The following SLC25A13 variants were observed in gnomAD, a reference collection of about 807,000 sequenced individuals.
The protein encoded by SLC25A13 is electrogenic aspartate/glutamate antiporter SLC25A13, mitochondrial.
Under a neutral mutation model 85.5 loss-of-function variants are expected in SLC25A13, and 70 were observed. That is an observed-to-expected ratio of 0.82 (90% CI 0.68 to 1.00). The LOEUF is 1.00. Among genes scored for constraint, SLC25A13 ranks in the 50% least tolerant of loss-of-function variants. SLC25A13 has a pLI of 0.00. For missense variants in SLC25A13, 765 were observed against 819.8 expected, an observed-to-expected ratio of 0.93 and a Z score of 0.82; for synonymous variants, 259 against 288.7, an observed-to-expected ratio of 0.90 and a Z score of 1.04.
chr7:96,255,945 T>C (rs964559782), intron 3 of SLC25A13, among the ~76,000 whole-genome samples: 5 of 152,136 alleles, frequency 3.3e-5, no homozygotes, highest in African/African-American at 1.2e-4. Flanking sequence ...AAAATAATTT[T>C]CAACCCAGAA....
At chr7:96,174,788 C>G (rs1794150886) in intron 11 of SLC25A13, among the ~76,000 whole-genome samples, 2 of 152,220 alleles carry the variant, frequency 1.3e-5, no homozygotes, top group African/African-American at 4.8e-5. Flanking sequence ...TTTCAAACTA[C>G]TGAAATTTAT....
At chr7:96,313,841 A>G (rs1367309979) in intron 1 of SLC25A13, among the ~76,000 whole-genome samples, 3 of 152,242 alleles carry the variant, frequency 2.0e-5, no homozygotes, top group Non-Finnish European at 2.9e-5. Context: ...AAAAAGTGAA[A>G]GATTTCTAGA....
chr7:96,148,974 C>T (rs1201073792), intron 13 of SLC25A13, among the ~76,000 whole-genome samples: 9 of 152,220 alleles, frequency 5.9e-5, no homozygotes, highest in Admixed American at 1.3e-4. Context: ...TTTTCTCCTA[C>T]GCTGATGTTT....
chr7:96,238,426 A>G (rs955200592), intron 3 of SLC25A13, among the ~76,000 whole-genome samples: 1 of 151,674 alleles, frequency 6.6e-6, no homozygotes, highest in Admixed American at 6.6e-5. Flanking sequence ...AGTTTGCGGT[A>G]GAGTACTTTG....
At position 96,277,341 on chromosome 7, in the gene SLC25A13, G is replaced by GT. The variant is rs777215018; in HGVS notation, c.70-4dup. The GT allele has an allele frequency of 7.5e-6, 12 of 1,609,284 alleles. No individual in the cohort carries two copies. Among genetic ancestry groups the GT allele is most frequent in the African/African-American group, 6.7e-5 (5 of 74,652 alleles). ...CCGTTTTTCTCAATGCTTGCATACTGTTTAAAAAAAAGAAAAACAGTATTT... is the reference window on the plus strand; with the variant it reads ...CCGTTTTTCTCAATGCTTGCATACTGTTTTAAAAAAAAGAAAAACAGTATTT... On this transcript the variant is annotated splice_polypyrimidine_tract_variant and splice_region_variant and intron_variant, in intron 2 of 17. Transcript: ENST00000265631.
At chr7:96,307,870 G>A (rs533051592) in intron 1 of SLC25A13, among the ~76,000 whole-genome samples, 63 of 151,054 alleles carry the variant, frequency 4.2e-4, no homozygotes, top group Admixed American at 1.4e-3. Context: ...ACTCCACTGC[G>A]GCCGGGCGCA....
intron 2 of SLC25A13, among the ~76,000 whole-genome samples, chr7:96,285,026 C>G (rs1352903947): frequency 6.6e-6 from 1 of 152,048 alleles, no homozygotes; most frequent in African/African-American, 2.4e-5. Context: ...TACTGGCTCC[C>G]TCTCACTTTC....
rs1799374421 is a variant in SLC25A13 at position 96,296,953 on chromosome 7, T to A, written c.16-2A>T. 6.2e-7 allele frequency: 1 copy of A among 1,612,050 alleles called. No homozygotes were observed. Among genetic ancestry groups the A allele is most frequent in the East Asian group, 2.2e-5 (1 of 44,838 alleles). ...ATCTGCTCTCTTGGTTAAAGCCACC[T>A]ATAAATAAACATAAAAATGTTTATG... On this transcript the variant is annotated splice_acceptor_variant, in intron 1 of 17. Coordinates refer to ENST00000265631, the MANE Select transcript of SLC25A13 (RefSeq NM_014251.3). LOFTEE classifies it high-confidence loss of function.
chr7:96,224,633 A>G (rs551507783), intron 4 of SLC25A13, among the ~76,000 whole-genome samples: 2 of 152,360 alleles, frequency 1.3e-5, no homozygotes, highest in African/African-American at 4.8e-5. Context: ...AGATAGCTGG[A>G]ACCAAGGCAA....
chr7:96,288,015 C>T (rs1395907712), intron 2 of SLC25A13, among the ~76,000 whole-genome samples: 1 of 152,186 alleles, frequency 6.6e-6, no homozygotes, highest in South Asian at 2.1e-4. Context: ...TCATACAGAC[C>T]TCATTCCAAC....
At chr7:96,317,155 T>C (rs1800159812) in intron 1 of SLC25A13, among the ~76,000 whole-genome samples, 1 of 151,890 alleles carries the variant, frequency 6.6e-6, no homozygotes, top group South Asian at 2.1e-4. Flanking sequence ...CTATTTTTAG[T>C]AGAGATGGGC....
At chr7:96,206,181 C>T (rs1255526436) in intron 5 of SLC25A13, among the ~76,000 whole-genome samples, 8 of 152,204 alleles carry the variant, frequency 5.3e-5, no homozygotes, top group African/African-American at 1.7e-4. Context: ...TGACAGGTAG[C>T]AGCATGCACA....
At chr7:96,240,233 G>C (rs1796918034) in intron 3 of SLC25A13, among the ~76,000 whole-genome samples, 1 of 152,164 alleles carries the variant, frequency 6.6e-6, no homozygotes, top group Admixed American at 6.5e-5. Flanking sequence ...ATTCAGAGGA[G>C]GGAAAGATTA....
At chr7:96,159,942 T>C (rs779168415) in intron 13 of SLC25A13, among the ~76,000 whole-genome samples, 2 of 152,286 alleles carry the variant, frequency 1.3e-5, no homozygotes, top group African/African-American at 4.8e-5. Context: ...AATGGGCCCA[T>C]AGAAGCCTGG....
chr7:96,242,917 G>A (rs906498320), intron 3 of SLC25A13, among the ~76,000 whole-genome samples: 2 of 152,164 alleles, frequency 1.3e-5, no homozygotes, highest in African/African-American at 4.8e-5. Context: ...CACAGGCCAT[G>A]GTCACTCATA....
At chr7:96,298,875 G>A (rs1219888437) in intron 1 of SLC25A13, among the ~76,000 whole-genome samples, 1 of 151,006 alleles carries the variant, frequency 6.6e-6, no homozygotes, top group Non-Finnish European at 1.5e-5. Context: ...CCTCCTCTCA[G>A]GTCTCTATTC....
intron 6 of SLC25A13, 123 bp from the exon 7 acceptor site, chr7:96,191,370 T>A: frequency 2.9e-6 from 3 of 1,029,676 alleles, no homozygotes; most frequent in Non-Finnish European, 2.8e-6. Context: ...AAGAAATGAC[T>A]ATAAGTATTT....
At chr7:96,321,633 G>T (rs1800347519) in intron 1 of SLC25A13, among the ~76,000 whole-genome samples, 1 of 152,170 alleles carries the variant, frequency 6.6e-6, no homozygotes, top group Non-Finnish European at 1.5e-5. Context: ...CCAGGCCCCA[G>T]TCGCGCCCGC....
chr7:96,202,553 C>CA (rs11393938), intron 5 of SLC25A13, among the ~76,000 whole-genome samples: 149,963 of 152,220 alleles, frequency 0.99, 73,909 homozygotes, highest in East Asian at 1. Context: ...CAGAGCATTG[C>CA]AATTTCTGGA....
Sources: allele counts gnomAD v4.1 joint callset (sites outside exome capture counted in the v4.1 genomes callset), GRCh38; gene constraint gnomAD v4.1.1; transcripts MANE v1.5; gene names NCBI Gene and HGNC (gene_info 2026-07-23, HGNC 2026-07-21).